The following GTF3C3 variants were observed in gnomAD, a reference collection of about 807,000 sequenced individuals.
The protein encoded by GTF3C3 is general transcription factor IIIC subunit 3.
Under a neutral mutation model 105.2 loss-of-function variants are expected in GTF3C3, and 75 were observed. The ratio of observed to expected loss-of-function variants is 0.71; its 90% confidence interval spans 0.59 to 0.86. The LOEUF (loss-of-function observed/expected upper bound fraction) is 0.86, where lower values mean the gene tolerates loss of function less well. GTF3C3 is among the 40% of genes least tolerant of loss of function. The probability of loss-of-function intolerance (pLI) is 0.00; values close to 1 mark genes in which losing one functional copy is unlikely to be tolerated. For missense variants in GTF3C3, 856 were observed against 1,076.5 expected (o/e 0.80, Z 2.87); for synonymous variants, 335 against 370.4 (o/e 0.90, Z 1.10).
Position 196,790,019 on chromosome 2 carries a change from T to A in GTF3C3, c.587A>T (p.Gln196Leu), listed in dbSNP as rs768855703. Residue 196 changes from glutamine to leucine, a missense_variant, in exon 5 of 18, where the codon CAA becomes CTA. Coordinates refer to ENST00000263956, the MANE Select transcript of GTF3C3 (RefSeq NM_012086.5). The part of the protein sequence containing the change: ...FSTLAMIYED[Q>L]GDMEKSLQFE... ...CTGCAATGATTTTTCCATGTCACCT[T>A]GGTCCTCATATATCATGGCTAGAGT... is the stretch of plus-strand genomic sequence containing the variant. 1 of 1,613,460 alleles carries A rather than the reference T, an allele frequency of 6.2e-7. No homozygotes were observed. The highest frequency in any genetic ancestry group is 8.5e-7 in the Non-Finnish European group (1 of 1,179,742).
chr2:196,783,024 A>G (rs1240266054), intron 8 of GTF3C3, among the ~76,000 whole-genome samples: 1 of 152,190 alleles, frequency 6.6e-6, no homozygotes, highest in Non-Finnish European at 1.5e-5. Flanking sequence ...TAGACAATAC[A>G]TAATCTACCA....
chr2:196,775,448 T>C (rs1186702681), intron 12 of GTF3C3, among the ~76,000 whole-genome samples, 197 bp from the exon 13 acceptor site: 2 of 152,136 alleles, frequency 1.3e-5, no homozygotes, highest in African/African-American at 4.8e-5. Flanking sequence ...AAAGAAAACC[T>C]ATGGGTCACA....
chr2:196,796,069 T>G (rs1699638209), intron 2 of GTF3C3, among the ~76,000 whole-genome samples: 1 of 152,168 alleles, frequency 6.6e-6, no homozygotes, highest in Non-Finnish European at 1.5e-5. Context: ...TTTAGTACTG[T>G]CCAGAGGAAA....
At chr2:196,792,037 G>C (rs1699558482) in intron 3 of GTF3C3, 2 of 151,978 alleles carry the variant, frequency 1.3e-5, no homozygotes, top group Middle Eastern at 6.9e-3. Flanking sequence ...TGTAGAGCTG[G>C]ATGCTGCAAA....
chr2:196,766,108 A>T (rs1288230413), intron 17 of GTF3C3, among the ~76,000 whole-genome samples: 2 of 152,126 alleles, frequency 1.3e-5, no homozygotes, highest in Non-Finnish European at 1.5e-5. Flanking sequence ...AAATACATTT[A>T]AAAATTAACA....
intron 2 of GTF3C3, among the ~76,000 whole-genome samples, chr2:196,793,690 G>A (rs1019672240): frequency 1.3e-5 from 2 of 152,266 alleles, no homozygotes; most frequent in Admixed American, 6.5e-5. Flanking sequence ...GTGAGTGTGT[G>A]TGTGTATATA....
chr2:196,793,890 T>G (rs1699594685), intron 2 of GTF3C3, among the ~76,000 whole-genome samples: 1 of 152,212 alleles, frequency 6.6e-6, no homozygotes. Flanking sequence ...AAATGTGAAG[T>G]GCAGAAGCCA....
Position 196,789,869 on chromosome 2 carries a change from T to A in GTF3C3, c.727+10A>T, listed in dbSNP as rs368734027. The A allele has an allele frequency of 1.1e-3, 1,550 of 1,411,806 alleles. No individual in the cohort carries two copies. The highest frequency in any genetic ancestry group is 1.2e-3 in the South Asian group (80 of 68,632). The allele number at this position is 1,411,806 out of a possible 1,614,324, so 87.5% of individuals were successfully genotyped here. A position where few individuals can be genotyped will look rare whatever the true frequency, so the allele number is the denominator to read the frequency against. The stretch of plus-strand genomic sequence containing the variant: ...TTGTAAAAGTGAAAAAAAAAAAAAA[T>A]TTTAATTACCTTTTGTATAGCAAAA... On this transcript the variant is annotated intron_variant, in intron 5 of 17. Coordinates refer to ENST00000263956, the MANE Select transcript of GTF3C3 (RefSeq NM_012086.5).
At chr2:196,793,562 C>A (rs1699589783) in intron 2 of GTF3C3, among the ~76,000 whole-genome samples, 1 of 152,268 alleles carries the variant, frequency 6.6e-6, no homozygotes, top group Non-Finnish European at 1.5e-5. Flanking sequence ...AACTTCATCT[C>A]CATCTATCAC....
chr2:196,797,948 C>T, intron 1 of GTF3C3, 40 bp from the exon 2 acceptor site: 1 of 1,118,146 alleles, frequency 8.9e-7, no homozygotes, highest in South Asian at 1.2e-5. Flanking sequence ...AAAAATAATG[C>T]AGACTTAGCT....
chr2:196,792,332 A>G (rs1295193185), intron 3 of GTF3C3, among the ~76,000 whole-genome samples: 3 of 151,962 alleles, frequency 2.0e-5, no homozygotes, highest in Non-Finnish European at 4.4e-5. Context: ...AGTTTTTTAA[A>G]AAGTTTTTTG....
At chr2:196,780,525 C>G (rs1699330811) in intron 9 of GTF3C3, 34 bp downstream of exon 9, 1 of 1,593,936 alleles carries the variant, frequency 6.3e-7, no homozygotes, top group African/African-American at 1.3e-5. Flanking sequence ...TGCATTTGAT[C>G]TGAAGTATCT....
In GTF3C3 at chr2:196,773,047, C is replaced by G; in HGVS notation, c.1938G>C (p.Glu646Asp). The change falls in exon 14 of 18, where the codon GAG (glutamate) becomes GAC (aspartate). Residue 646 changes from glutamate (E) to aspartate (D), a missense_variant. Glu to Asp is a conservative substitution (Grantham distance 45). This residue lies in a region of GTF3C3 where 605 missense variants were observed against 833.6 expected (regional missense o/e 0.73). Transcript: ENST00000263956. ...LCDLSRFQEAELLVDSSLEYY... is the reference protein window; with the variant it reads ...LCDLSRFQEADLLVDSSLEYY... The stretch of plus-strand genomic sequence containing the variant: ...ATTCCAATGAGGAATCTACAAGCAA[C>G]TCAGCCTCTTGAAATCGGGATAGGT... 6.2e-7 allele frequency: 1 copy of G among 1,612,440 alleles called. No homozygotes were observed. The highest frequency in any genetic ancestry group is 8.5e-7 in the Non-Finnish European group (1 of 1,178,492).
intron 2 of GTF3C3, among the ~76,000 whole-genome samples, chr2:196,795,690 T>A (rs1280259119): frequency 1.3e-5 from 2 of 152,146 alleles, no homozygotes; most frequent in South Asian, 4.1e-4. Context: ...TCTACAAAAA[T>A]TTTCCACAAA....
In GTF3C3 at chr2:196,793,070, T is replaced by TTCCTCC. The variant is rs760762836; in HGVS notation, c.291_296dup (p.Glu110_Glu111dup). 1 of 1,613,514 alleles carries TTCCTCC rather than the reference T, an allele frequency of 6.2e-7. No homozygotes were observed. Among genetic ancestry groups the TTCCTCC allele is most frequent in the Middle Eastern group, 1.6e-4 (1 of 6,062 alleles). On this transcript the variant is annotated inframe_insertion, in exon 3 of 18. Transcript: ENST00000263956. Reference sequence around the variant, plus strand: ...CCTCCTCCTCCTCCTCTTCTTCCTCTTCCTCCTCATCATCTTCATTCTCTC... The same window carrying TTCCTCC: ...CCTCCTCCTCCTCCTCTTCTTCCTCTTCCTCCTCCTCCTCATCATCTTCATTCTCTC...
intron 13 of GTF3C3, chr2:196,774,904 C>T (rs139877106): frequency 5.4e-6 from 2 of 367,084 alleles, no homozygotes; most frequent in East Asian, 9.4e-5. Context: ...CAAGCAGATG[C>T]TTTCCTTTTA....
At chr2:196,765,993 G>A (rs536547341) in intron 17 of GTF3C3, among the ~76,000 whole-genome samples, 1 of 116,528 alleles carries the variant, frequency 8.6e-6, no homozygotes, top group East Asian at 2.8e-4. Flanking sequence ...CTGGGCCACA[G>A]AGCAAGACTC....
At chr2:196,798,455 CG>C (rs1255451353) in intron 1 of GTF3C3, among the ~76,000 whole-genome samples, 9 of 151,844 alleles carry the variant, frequency 5.9e-5, no homozygotes, top group African/African-American at 2.2e-4. Flanking sequence ...GTCCGGGAGG[CG>C]GAAGTTACAG....
At chr2:196,797,748 C>T (rs1465676253) in intron 2 of GTF3C3, 49 bp downstream of exon 2, 1 of 1,029,858 alleles carries the variant, frequency 9.7e-7, no homozygotes, top group Admixed American at 1.7e-5. Flanking sequence ...AATTACTTTG[C>T]TTACATACTC....
Sources: gnomAD v4.1 joint callset for allele counts (sites outside exome capture counted in the v4.1 genomes callset) on GRCh38, gnomAD v4.1.1 for gene constraint, gnomAD v4.1.1 regional missense constraint, MANE v1.5 for transcripts, NCBI Gene and HGNC (gene_info 2026-07-23, HGNC 2026-07-21) for gene names.